UBE2G1: variants seen among roughly 807,000 people sequenced by gnomAD.
UBE2G1 encodes the protein ubiquitin conjugating enzyme E2 G1.
A neutral mutation model predicts 22.7 loss-of-function variants in UBE2G1; 5 were observed. That is an observed-to-expected ratio of 0.22 (90% confidence interval 0.12 to 0.46). The LOEUF is 0.46. Ranked by LOEUF, UBE2G1 falls within the 20% of genes least tolerant of loss-of-function variation. The pLI is 0.99. For synonymous variants in UBE2G1, 74 were observed against 67.5 expected (o/e 1.10, Z -0.47); for missense variants, 88 against 203.9 (o/e 0.43, Z 3.46).
intron 2 of UBE2G1, among the ~76,000 whole-genome samples, chr17:4,305,602 C>T (rs894725287): frequency 2.6e-5 from 4 of 152,226 alleles, no homozygotes; most frequent in Non-Finnish European, 4.4e-5. Flanking sequence ...AGTGCAGTAG[C>T]GTAATTTTGG....
intron 1 of UBE2G1, among the ~76,000 whole-genome samples, chr17:4,315,963 A>T (rs1307896622): frequency 1.3e-5 from 2 of 150,090 alleles, no homozygotes; most frequent in Non-Finnish European, 3.0e-5. Context: ...GCCCACCACC[A>T]CGCCCGGCTA....
intron 2 of UBE2G1, among the ~76,000 whole-genome samples, chr17:4,301,048 A>C (rs1370829159): frequency 2.0e-5 from 3 of 152,102 alleles, no homozygotes; most frequent in Non-Finnish European, 4.4e-5. Context: ...ACTGTTTTTG[A>C]GTTAAATTAT....
chr17:4,351,182 G>T (rs553609571), intron 1 of UBE2G1, among the ~76,000 whole-genome samples: 1 of 148,090 alleles, frequency 6.8e-6, no homozygotes, highest in Non-Finnish European at 1.5e-5. Flanking sequence ...ACGGGGGCTG[G>T]GGGGTGGGGG....
intron 1 of UBE2G1, among the ~76,000 whole-genome samples, chr17:4,320,643 A>C (rs1256616575): frequency 6.6e-6 from 1 of 152,222 alleles, no homozygotes; most frequent in Non-Finnish European, 1.5e-5. Flanking sequence ...TTATGAAAAA[A>C]GGCCATGTAT....
chr17:4,295,708 GT>G (rs1330547478), intron 3 of UBE2G1, among the ~76,000 whole-genome samples: 1 of 151,824 alleles, frequency 6.6e-6, no homozygotes, highest in Non-Finnish European at 1.5e-5. Context: ...CAGAGAGACT[GT>G]TTTATAAATA....
Position 4,295,458 on chromosome 17 carries a change from C to T in UBE2G1, c.247+1259G>A, listed in dbSNP as rs138075405. ...GGTTTTCAAGCCTTGGCTTCTATTACGTATTCCATATCCTTCCGATAAATC... is the reference window on the plus strand; with the variant it reads ...GGTTTTCAAGCCTTGGCTTCTATTATGTATTCCATATCCTTCCGATAAATC... On this transcript the variant is annotated intron_variant, in intron 3 of 5. Coordinates refer to ENST00000396981, the MANE Select transcript of UBE2G1 (RefSeq NM_003342.5). 5.1e-4 allele frequency among the ~76,000 whole-genome samples: 78 copies of T among 152,344 alleles called. No homozygotes were observed. The East Asian group carries it at 0.014, about 28-fold the overall frequency.
intron 1 of UBE2G1, among the ~76,000 whole-genome samples, chr17:4,346,467 C>T (rs367802124): frequency 9.8e-5 from 14 of 142,616 alleles, no homozygotes; most frequent in African/African-American, 3.4e-4. Context: ...CAGAGTCTCG[C>T]GCTGTTGCCC....
At position 4,315,735 on chromosome 17, in the gene UBE2G1, A is replaced by G. The variant is rs567792229; in HGVS notation, c.47-8612T>C. Reference sequence around the variant, plus strand: ...AGCCTGGGCGAAAGAGCGAGACTCCATCTCAAAAAAACAAAAAACAAAAAA... The same window carrying G: ...AGCCTGGGCGAAAGAGCGAGACTCCGTCTCAAAAAAACAAAAAACAAAAAA... On this transcript the variant is annotated intron_variant, in intron 1 of 5. Coordinates refer to ENST00000396981, the MANE Select transcript of UBE2G1 (RefSeq NM_003342.5). 1.2e-4 allele frequency among the ~76,000 whole-genome samples: 17 copies of G among 146,882 alleles called. No individual in the cohort carries two copies. The South Asian group carries it at 1.9e-3, about 17-fold the overall frequency.
Position 4,366,401 on chromosome 17 carries a change from G to T in UBE2G1, c.-85C>A, listed in dbSNP as rs1339988579. On this transcript the variant is annotated 5_prime_UTR_variant, in exon 1 of 6. Coordinates refer to ENST00000396981, the MANE Select transcript of UBE2G1 (RefSeq NM_003342.5). Reference sequence around the variant, plus strand: ...GGGGGCGGCTGGAGCGGGGTGTGCCGAGGAACCCGGGCCCCGCGACCGGAG... The same window carrying T: ...GGGGGCGGCTGGAGCGGGGTGTGCCTAGGAACCCGGGCCCCGCGACCGGAG... The T allele has an allele frequency of 4.6e-6, 6 of 1,314,432 alleles. No homozygotes were observed. In the East Asian group the frequency reaches 1.8e-4, roughly 38 times the overall value. The allele number at this position is 1,314,432 out of a possible 1,614,324, so 81.4% of individuals were successfully genotyped here.
intron 1 of UBE2G1, among the ~76,000 whole-genome samples, chr17:4,311,600 G>C (rs72829383): frequency 0.073 from 11,081 of 152,218 alleles, 535 homozygotes; most frequent in South Asian, 0.15. Flanking sequence ...TCCAGAGACA[G>C]AAAGTAGATT....
intron 5 of UBE2G1, among the ~76,000 whole-genome samples, chr17:4,280,671 C>T (rs1439693282): frequency 7.0e-6 from 1 of 142,558 alleles, no homozygotes; most frequent in African/African-American, 2.6e-5. Flanking sequence ...GAGTTTTGTT[C>T]TTGTTGCACA....
intron 2 of UBE2G1, chr17:4,301,349 G>A (rs1217146833): frequency 6.1e-6 from 3 of 490,112 alleles, no homozygotes; most frequent in African/African-American, 3.9e-5. Context: ...CGGGCGCAAT[G>A]GAGGAGAAGG....
chr17:4,301,622 G>T, intron 2 of UBE2G1: 1 of 963,342 alleles, frequency 1.0e-6, no homozygotes, highest in South Asian at 1.3e-5. Context: ...GAATATGATG[G>T]GGCACAATTA....
intron 1 of UBE2G1, among the ~76,000 whole-genome samples, chr17:4,353,976 C>T (rs1969876483): frequency 6.6e-6 from 1 of 151,944 alleles, no homozygotes; most frequent in South Asian, 2.1e-4. Context: ...AGTCACTGCA[C>T]CTGGCCTACC....
At chr17:4,328,050 C>A (rs1969522365) in intron 1 of UBE2G1, among the ~76,000 whole-genome samples, 1 of 152,176 alleles carries the variant, frequency 6.6e-6, no homozygotes, top group Non-Finnish European at 1.5e-5. Context: ...CCGATACTCT[C>A]AGTCTCACTG....
intron 2 of UBE2G1, chr17:4,302,049 G>C (rs1049065551): frequency 1.2e-4 from 59 of 498,224 alleles, no homozygotes; most frequent in Admixed American, 5.7e-4. Context: ...ACAAAAAAAG[G>C]GGGGGGAAGT....
At chr17:4,309,414 GTACTTT>G (rs1191689233) in intron 1 of UBE2G1, among the ~76,000 whole-genome samples, 7 of 152,310 alleles carry the variant, frequency 4.6e-5, no homozygotes, top group Admixed American at 4.6e-4. Context: ...CACAAGAAAT[GTACTTT>G]TACTTTAAAG....
intron 4 of UBE2G1, among the ~76,000 whole-genome samples, chr17:4,285,805 G>T (rs1165336802): frequency 2.0e-5 from 3 of 152,106 alleles, no homozygotes; most frequent in Non-Finnish European, 2.9e-5. Context: ...CAAAAAAATA[G>T]CTGGGCATGG....
chr17:4,322,886 C>T (rs1969458470), intron 1 of UBE2G1, among the ~76,000 whole-genome samples: 1 of 152,002 alleles, frequency 6.6e-6, no homozygotes, highest in Non-Finnish European at 1.5e-5. Flanking sequence ...ACTGTGGCAA[C>T]AGCAATGTGC....
Sources: allele counts gnomAD v4.1 joint callset (sites outside exome capture counted in the v4.1 genomes callset), GRCh38; gene constraint gnomAD v4.1.1; transcripts MANE v1.5; gene names NCBI Gene and HGNC (gene_info 2026-07-23, HGNC 2026-07-21).